PPEF1: variants seen among roughly 807,000 people sequenced by gnomAD.
PPEF1 encodes protein phosphatase with EF-hand domain 1.
Under a neutral mutation model 53.3 loss-of-function variants are expected in PPEF1, and 12 were observed. That is an observed-to-expected ratio of 0.23 (90% CI 0.14 to 0.36). PPEF1 has a LOEUF of 0.36. Ranked by LOEUF, PPEF1 falls within the 10% of genes least tolerant of loss-of-function variation. PPEF1 has a pLI of 1.00. For missense variants in PPEF1, 334 were observed against 490.4 expected, an observed-to-expected ratio of 0.68 and a Z score of 3.01; for synonymous variants, 165 against 176.7, an observed-to-expected ratio of 0.93 and a Z score of 0.52.
intron 4 of PPEF1, among the ~76,000 whole-genome samples, chrX:18,755,838 G>A (rs1255988507): frequency 9.0e-6 from 1 of 111,082 alleles, no homozygotes; most frequent in Non-Finnish European, 1.9e-5. Flanking sequence ...CTGTTGCTTG[G>A]CATGTTTCCA....
At chrX:18,786,780 CAAAAAAAAAA>C (rs761641178) in intron 9 of PPEF1, among the ~76,000 whole-genome samples, 55 of 58,832 alleles carry the variant, frequency 9.3e-4, no homozygotes, top group Non-Finnish European at 9.0e-5. Flanking sequence ...AACACTATCT[CAAAAAAAAAA>C]AAAAAAAAAA....
chrX:18,705,648 G>C (rs954312619), upstream of PPEF1, among the ~76,000 whole-genome samples: 2 of 111,623 alleles, frequency 1.8e-5, no homozygotes, highest in African/African-American at 6.5e-5. Flanking sequence ...CCGGGAGGTG[G>C]AGGCTGCAGT....
chrX:18,817,943 T>A, intron 12 of PPEF1, 96 bp from the exon 13 acceptor site: 1 of 639,604 alleles, frequency 1.6e-6, no homozygotes, highest in Non-Finnish European at 2.4e-6. Context: ...GCAATTCATT[T>A]AAAGTAAAAA....
At chrX:18,748,215 T>C (rs1427275156) in intron 3 of PPEF1, among the ~76,000 whole-genome samples, 3 of 112,767 alleles carry the variant, frequency 2.7e-5, no homozygotes, top group African/African-American at 9.7e-5. Context: ...CAGCTTCTTA[T>C]AAAACATCAT....
chrX:18,784,382 AAAT>A (rs1480961846), intron 9 of PPEF1, among the ~76,000 whole-genome samples: 1 of 111,612 alleles, frequency 9.0e-6, no homozygotes, highest in Non-Finnish European at 1.9e-5. Context: ...TATTGTGGTA[AAAT>A]ATACATAACA....
rs191398801 is a variant in PPEF1 at position 18,743,354 on chromosome X, A to G, written c.236-6438A>G. On this transcript the variant is annotated intron_variant, in intron 3 of 15. Transcript: ENST00000470157. ...TCATTTCATTTTAGTCATTCTGGTG[A>G]ATATCTAGTGGTATCGTATTTCAGG... Among the ~76,000 whole-genome samples, 327 of 110,983 alleles carry G rather than the reference A, an allele frequency of 2.9e-3. 1 individual carries two copies. The highest frequency in any genetic ancestry group is 0.01 in the African/African-American group (316 of 30,488).
chrX:18,806,665 T>G, intron 12 of PPEF1, 120 bp downstream of exon 12: 1 of 734,847 alleles, frequency 1.4e-6, no homozygotes, highest in Non-Finnish European at 1.9e-6. Flanking sequence ...CTCATTAGTA[T>G]CAACAAAATG....
chrX:18,713,662 T>A (rs143625396), intron 1 of PPEF1, among the ~76,000 whole-genome samples: 2,364 of 111,323 alleles, frequency 0.021, 64 homozygotes, highest in African/African-American at 0.073. Context: ...CTCATTCAGA[T>A]ATTTGGAAAA....
At chrX:18,759,290 A>G (rs2045611368) in intron 5 of PPEF1, among the ~76,000 whole-genome samples, 2 of 111,537 alleles carry the variant, frequency 1.8e-5, no homozygotes, top group African/African-American at 6.5e-5. Context: ...CAAAAATTTC[A>G]TGATTATTTA....
intron 12 of PPEF1, among the ~76,000 whole-genome samples, chrX:18,816,182 G>A (rs1033904748): frequency 9.1e-6 from 1 of 110,493 alleles, no homozygotes; most frequent in African/African-American, 3.3e-5. Flanking sequence ...ATATGTTTTG[G>A]TATGTTGTAT....
chrX:18,798,087 TTTTG>T (rs982649729), intron 10 of PPEF1, among the ~76,000 whole-genome samples: 1 of 111,078 alleles, frequency 9.0e-6, no homozygotes, highest in Non-Finnish European at 1.9e-5. Flanking sequence ...AATTTTTTTT[TTTTG>T]TTTGTTTGAG....
At chrX:18,712,560 T>C (rs1389933320) in intron 1 of PPEF1, among the ~76,000 whole-genome samples, 1 of 112,409 alleles carries the variant, frequency 8.9e-6, no homozygotes, top group East Asian at 2.8e-4. Context: ...TTTAGGAATT[T>C]TTATTTACAA....
At chrX:18,707,024 T>C (rs2044216431), upstream of PPEF1, among the ~76,000 whole-genome samples, 1 of 108,458 alleles carries the variant, frequency 9.2e-6, no homozygotes, top group African/African-American at 3.3e-5. Context: ...AGACGGGGTT[T>C]CACCATGTTG....
At chrX:18,782,274 G>A in intron 7 of PPEF1, 92 bp from the exon 8 acceptor site, 1 of 708,348 alleles carries the variant, frequency 1.4e-6, no homozygotes, top group Non-Finnish European at 2.2e-6. Context: ...TCTTGTGATA[G>A]ATACTGAGAT....
chrX:18,698,904 C>T (rs979112978), intron 5 of PPEF1, among the ~76,000 whole-genome samples: 3 of 111,919 alleles, frequency 2.7e-5, no homozygotes, highest in African/African-American at 3.2e-5. Flanking sequence ...TATAATTGGA[C>T]GCACACATGG....
chrX:18,711,954 C>A (rs1344448897), intron 1 of PPEF1, among the ~76,000 whole-genome samples: 2 of 111,117 alleles, frequency 1.8e-5, no homozygotes, highest in African/African-American at 3.3e-5. Context: ...GGGGTTTCAC[C>A]ATGTTGGCCA....
intron 3 of PPEF1, among the ~76,000 whole-genome samples, chrX:18,689,920 T>A (rs1271792401): frequency 9.1e-6 from 1 of 110,387 alleles, no homozygotes; most frequent in African/African-American, 3.3e-5. Flanking sequence ...CTTGACTCCA[T>A]CCCCCATCAA....
intron 1 of PPEF1, among the ~76,000 whole-genome samples, chrX:18,677,566 C>G (rs758306315): frequency 4.5e-5 from 5 of 111,695 alleles, no homozygotes; most frequent in Non-Finnish European, 9.4e-5. Flanking sequence ...GTGTCCACTT[C>G]TAAGGACGGT....
intron 3 of PPEF1, among the ~76,000 whole-genome samples, chrX:18,734,905 CG>C (rs2044934956): frequency 8.9e-6 from 1 of 111,865 alleles, no homozygotes; most frequent in African/African-American, 3.2e-5. Context: ...TTCATGTGTC[CG>C]TTGGCTGCAT....
Sources: gnomAD v4.1 joint callset for allele counts (sites outside exome capture counted in the v4.1 genomes callset) on GRCh38, gnomAD v4.1.1 for gene constraint, MANE v1.5 for transcripts, NCBI Gene and HGNC (gene_info 2026-07-23, HGNC 2026-07-21) for gene names.